DLGAP2: variants seen among roughly 807,000 people sequenced by gnomAD.
DLGAP2 encodes the protein disks large-associated protein 2.
A neutral mutation model predicts 100.3 loss-of-function variants in DLGAP2; 26 were observed. The observed-to-expected ratio is 0.26, with a 90% CI of 0.19 to 0.36. The LOEUF (loss-of-function observed/expected upper bound fraction) is 0.36. DLGAP2 is among the 10% of genes least tolerant of loss of function. The probability of loss-of-function intolerance (pLI) is 1.00; values close to 1 mark genes in which losing one functional copy is unlikely to be tolerated. For missense variants in DLGAP2, 1,858 were observed against 1,453.2 expected (o/e 1.28, Z -4.53); for synonymous variants, 886 against 630.1 (o/e 1.41, Z -6.08).
chr8:1,218,770 GT>G (rs1490893216), intron 2 of DLGAP2, among the ~76,000 whole-genome samples: 1 of 152,076 alleles, frequency 6.6e-6, no homozygotes, highest in African/African-American at 2.4e-5. Context: ...AGCTTGGAAT[GT>G]TTTTCCATTG....
intron 2 of DLGAP2, among the ~76,000 whole-genome samples, chr8:982,829 A>G (rs1203313839): frequency 1.5e-5 from 2 of 136,016 alleles, no homozygotes; most frequent in South Asian, 2.3e-4. Context: ...GTAGTTTAGT[A>G]TTTGTGTTCA....
At chr8:1,310,461 A>T (rs1800588157) in intron 3 of DLGAP2, among the ~76,000 whole-genome samples, 1 of 152,208 alleles carries the variant, frequency 6.6e-6, no homozygotes, top group Non-Finnish European at 1.5e-5. Flanking sequence ...AGTAAGCAGG[A>T]CGTCTACACA....
chr8:853,413 TAGAC>T (rs1252254322), intron 1 of DLGAP2, among the ~76,000 whole-genome samples: 1 of 152,208 alleles, frequency 6.6e-6, no homozygotes, highest in African/African-American at 2.4e-5. Context: ...TCTGCTCAGA[TAGAC>T]AGCCCTGCCA....
Position 1,668,321 on chromosome 8 carries a change from T to C in DLGAP2, c.1811-8T>C. The C allele has an allele frequency of 2.0e-6, 3 of 1,474,460 alleles. No homozygotes were observed. The highest frequency in any genetic ancestry group is 9.0e-7 in the Non-Finnish European group (1 of 1,111,974). The allele number at this position is 1,474,460 out of a possible 1,614,324, so 91.3% of individuals were successfully genotyped here. A position where few individuals can be genotyped will look rare whatever the true frequency, so the allele number is the denominator to read the frequency against. On this transcript the variant is annotated splice_polypyrimidine_tract_variant and splice_region_variant and intron_variant, in intron 8 of 14. Coordinates refer to ENST00000637795, the MANE Select transcript of DLGAP2 (RefSeq NM_001346810.2). ...CGCCTGTTGACTTGGGACTTTCTTT[T>C]CTTACAGCTGTCTCATATACAAATT...
chr8:1,414,903 G>A (rs1796835669), intron 3 of DLGAP2, among the ~76,000 whole-genome samples: 1 of 152,162 alleles, frequency 6.6e-6, no homozygotes, highest in Non-Finnish European at 1.5e-5. Context: ...CAGCTGCTTG[G>A]GAGGCTGAGG....
chr8:1,516,695 G>C (rs111938029), intron 4 of DLGAP2, among the ~76,000 whole-genome samples: 1 of 150,470 alleles, frequency 6.6e-6, no homozygotes, highest in South Asian at 2.1e-4. Flanking sequence ...GAGTGACTGA[G>C]TGAATGAGTG....
At chr8:1,193,812 T>C (rs1347839614) in intron 2 of DLGAP2, among the ~76,000 whole-genome samples, 1 of 151,514 alleles carries the variant, frequency 6.6e-6, no homozygotes, top group Non-Finnish European at 1.5e-5. Flanking sequence ...AGCCAGCACC[T>C]GAGACCCCCA....
intron 6 of DLGAP2, among the ~76,000 whole-genome samples, chr8:1,603,381 G>A (rs1275604188): frequency 2.0e-5 from 3 of 151,408 alleles, no homozygotes; most frequent in Non-Finnish European, 4.4e-5. Context: ...ATGGAGGCTG[G>A]GTCTCAGTTC....
intron 3 of DLGAP2, among the ~76,000 whole-genome samples, chr8:1,415,591 C>T (rs558478677): frequency 2.0e-5 from 3 of 152,294 alleles, no homozygotes; most frequent in South Asian, 2.1e-4. Context: ...TGGTAATTCA[C>T]TTGGGACTAA....
intron 2 of DLGAP2, among the ~76,000 whole-genome samples, chr8:1,107,839 T>A (rs1352369211): frequency 6.6e-6 from 1 of 152,216 alleles, no homozygotes; most frequent in Non-Finnish European, 1.5e-5. Context: ...GGAGCCTTCC[T>A]GACACCGAAC....
chr8:1,610,820 T>C (rs1408747319), intron 6 of DLGAP2, among the ~76,000 whole-genome samples: 2 of 71,762 alleles, frequency 2.8e-5, no homozygotes, highest in Admixed American at 2.5e-4. Flanking sequence ...ACACATACAC[T>C]GTCCCAAGAC....
intron 4 of DLGAP2, among the ~76,000 whole-genome samples, chr8:1,539,673 C>T (rs1042336475): frequency 1.3e-5 from 2 of 151,378 alleles, no homozygotes; most frequent in Non-Finnish European, 3.0e-5. Context: ...CCTTCTCCCT[C>T]TCCAGACTCC....
intron 4 of DLGAP2, among the ~76,000 whole-genome samples, chr8:1,529,092 A>T (rs1339336876): frequency 1.3e-5 from 2 of 152,190 alleles, no homozygotes; most frequent in Non-Finnish European, 2.9e-5. Context: ...TAATTTATAA[A>T]GGAAAGAGGT....
At chr8:1,507,973 A>G (rs187706975) in intron 4 of DLGAP2, among the ~76,000 whole-genome samples, 1 of 152,104 alleles carries the variant, frequency 6.6e-6, no homozygotes, top group South Asian at 2.1e-4. Flanking sequence ...ACGTGGTCAC[A>G]TGAAAGGCCT....
intron 2 of DLGAP2, among the ~76,000 whole-genome samples, chr8:1,242,538 A>G (rs913891773): frequency 6.6e-6 from 1 of 152,200 alleles, no homozygotes; most frequent in African/African-American, 2.4e-5. Flanking sequence ...CTGCTGAGGT[A>G]CATTTCCTCA....
chr8:1,053,762 C>A (rs548135571), intron 2 of DLGAP2, among the ~76,000 whole-genome samples: 82 of 152,166 alleles, frequency 5.4e-4, no homozygotes, highest in African/African-American at 1.9e-3. Flanking sequence ...TAGCAAGCAG[C>A]CAAAAATCAT....
chr8:1,175,831 C>G (rs531729874), intron 2 of DLGAP2, among the ~76,000 whole-genome samples: 1 of 152,166 alleles, frequency 6.6e-6, no homozygotes, highest in African/African-American at 2.4e-5. Flanking sequence ...GGAAGGCACT[C>G]GGCATTGGAT....
chr8:1,292,405 C>G (rs1003963158), intron 3 of DLGAP2, among the ~76,000 whole-genome samples: 11 of 152,172 alleles, frequency 7.2e-5, no homozygotes, highest in Non-Finnish European at 1.5e-4. Context: ...AGAGCTGCCT[C>G]CAGTTGGAGG....
chr8:902,444 A>T (rs1290302911), intron 1 of DLGAP2, among the ~76,000 whole-genome samples: 1 of 149,188 alleles, frequency 6.7e-6, no homozygotes, highest in Non-Finnish European at 1.5e-5. Context: ...TGGGGGGTCC[A>T]GGCGTGTGCA....
Sources: allele counts gnomAD v4.1 joint callset (sites outside exome capture counted in the v4.1 genomes callset), GRCh38; gene constraint gnomAD v4.1.1; transcripts MANE v1.5; gene names NCBI Gene and HGNC (gene_info 2026-07-23, HGNC 2026-07-21).